Variants in CLVS1 observed in about 807,000 individuals in gnomAD.
CLVS1 encodes the protein clavesin 1, also known as clavesin-1.
CLVS1 carries 10 observed loss-of-function variants against 33.1 expected under a neutral mutation model. The ratio of observed to expected loss-of-function variants is 0.30; its 90% confidence interval spans 0.19 to 0.51. The LOEUF is 0.51. Ranked by LOEUF, CLVS1 falls within the 20% of genes least tolerant of loss-of-function variation. The pLI is 0.97. For synonymous variants in CLVS1, 163 were observed against 166.1 expected, an observed-to-expected ratio of 0.98 and a Z score of 0.14; for missense variants, 343 against 433.4, an observed-to-expected ratio of 0.79 and a Z score of 1.85.
intron 1 of CLVS1, among the ~76,000 whole-genome samples, chr8:61,059,471 C>CATATATATAT (rs1292747857): frequency 1.2e-3 from 27 of 22,972 alleles, no homozygotes; most frequent in South Asian, 3.7e-3. Context: ...TACATACATA[C>CATATATATAT]ATACATATAT....
intron 2 of CLVS1, among the ~76,000 whole-genome samples, chr8:61,186,865 A>G (rs1807353668): frequency 6.6e-6 from 1 of 152,192 alleles, no homozygotes; most frequent in African/African-American, 2.4e-5. Flanking sequence ...TTTGGACAGA[A>G]AGGGCAGTTG....
chr8:61,424,364 C>G (rs1247373585), intron 3 of CLVS1, among the ~76,000 whole-genome samples: 2 of 152,122 alleles, frequency 1.3e-5, no homozygotes, highest in Non-Finnish European at 2.9e-5. Flanking sequence ...AGACTAATTC[C>G]TAATTTGTTT....
chr8:60,995,820 T>A, the CLVS1 span, among the ~76,000 whole-genome samples: 1 of 152,210 alleles, frequency 6.6e-6, no homozygotes, highest in East Asian at 1.9e-4. Flanking sequence ...CACCATGGAA[T>A]ACTATGAAGC....
the CLVS1 span, among the ~76,000 whole-genome samples, chr8:61,045,667 C>T: frequency 1.3e-5 from 2 of 152,180 alleles, no homozygotes; most frequent in African/African-American, 4.8e-5. Context: ...GTAGAAGTGG[C>T]TTTGTTCATC....
intron 3 of CLVS1, among the ~76,000 whole-genome samples, chr8:61,407,467 A>G (rs1026739501): frequency 2.0e-5 from 3 of 152,254 alleles, no homozygotes; most frequent in African/African-American, 7.2e-5. Flanking sequence ...AATAAACTCT[A>G]GTTTATACAA....
intron 2 of CLVS1, among the ~76,000 whole-genome samples, chr8:61,371,431 A>G (rs1242519455): frequency 6.6e-6 from 1 of 152,130 alleles, no homozygotes; most frequent in East Asian, 1.9e-4. Context: ...ATTTTCTCCC[A>G]CTTTGTGGGT....
the CLVS1 span, among the ~76,000 whole-genome samples, chr8:61,032,563 C>A: frequency 3.3e-5 from 5 of 152,016 alleles, no homozygotes; most frequent in Admixed American, 1.3e-4. Context: ...ACCAGTTAGG[C>A]CTTGGGGGCT....
At chr8:61,004,086 A>AT in the CLVS1 span, among the ~76,000 whole-genome samples, 1 of 152,216 alleles carries the variant, frequency 6.6e-6, no homozygotes, top group African/African-American at 2.4e-5. Flanking sequence ...CAAACGCATA[A>AT]TAAGTTCTGT....
At chr8:60,973,532 G>A in the CLVS1 span, among the ~76,000 whole-genome samples, 5 of 152,176 alleles carry the variant, frequency 3.3e-5, no homozygotes, top group Non-Finnish European at 7.4e-5. Flanking sequence ...AGAAGAGACC[G>A]AAGCAAGTTT....
chr8:61,267,129 T>C (rs1215067814), intron 2 of CLVS1, among the ~76,000 whole-genome samples: 2 of 152,224 alleles, frequency 1.3e-5, no homozygotes, highest in African/African-American at 2.4e-5. Flanking sequence ...AAGAAATGCA[T>C]GTTCTGATCA....
chr8:61,484,728 A>G (rs529792974), intron 5 of CLVS1, among the ~76,000 whole-genome samples: 4 of 152,268 alleles, frequency 2.6e-5, no homozygotes, highest in Admixed American at 6.5e-5. Context: ...ACAGCATGGT[A>G]CTGGTACCAA....
At chr8:61,292,524 A>T in intron 1 of CLVS1, 1 of 372,270 alleles carries the variant, frequency 2.7e-6, no homozygotes, top group Non-Finnish European at 5.4e-6. Context: ...TTAGAGAAAT[A>T]CTCTTTCCCT....
intron 3 of CLVS1, among the ~76,000 whole-genome samples, chr8:61,411,991 C>T (rs1815246517): frequency 6.6e-6 from 1 of 152,110 alleles, no homozygotes; most frequent in South Asian, 2.1e-4. Context: ...GGAAAAAGGC[C>T]CAAGGGGCAG....
intron 1 of CLVS1, among the ~76,000 whole-genome samples, chr8:61,088,787 T>TTTTTC (rs1163255884): frequency 1.3e-5 from 2 of 151,828 alleles, no homozygotes; most frequent in Non-Finnish European, 2.9e-5. Context: ...CAAGCTTTTT[T>TTTTTC]TTTTCTTTTC....
At chr8:61,090,296 C>T (rs1301371977) in intron 1 of CLVS1, among the ~76,000 whole-genome samples, 1 of 152,148 alleles carries the variant, frequency 6.6e-6, no homozygotes, top group Non-Finnish European at 1.5e-5. Flanking sequence ...TCAAGTCCAT[C>T]CTTCAGAAGT....
chr8:61,480,683 G>C (rs965326710), intron 5 of CLVS1, among the ~76,000 whole-genome samples: 2 of 152,120 alleles, frequency 1.3e-5, no homozygotes, highest in African/African-American at 4.8e-5. Context: ...CTTCTGCTGG[G>C]AGCTGTAGAC....
Position 61,376,749 on chromosome 8 carries a change from A to C in CLVS1, c.600A>C (p.Ser200=), listed in dbSNP as rs566697452. 6 of 1,614,144 alleles carry C rather than the reference A, an allele frequency of 3.7e-6. No homozygotes were observed. Among genetic ancestry groups the C allele is most frequent in the South Asian group, 3.3e-5 (3 of 91,084 alleles). ...AACAAGCCTCCAAACTGACACCTTC[A>C]ATCCTTAAACTGGCCATTGAAGGGT... is the stretch of plus-strand genomic sequence containing the variant. ...SFKQASKLTP[S]ILKLAIEGLQ... The change falls in exon 3 of 6, where the codon TCA becomes TCC. Residue 200 remains serine, a synonymous_variant. Coordinates refer to ENST00000325897, the MANE Select transcript of CLVS1 (RefSeq NM_173519.3).
intron 5 of CLVS1, among the ~76,000 whole-genome samples, chr8:61,490,967 A>G (rs1190948281): frequency 6.6e-6 from 1 of 151,796 alleles, no homozygotes; most frequent in Non-Finnish European, 1.5e-5. Flanking sequence ...TCTCCAAAAA[A>G]AAAAAGAAAA....
chr8:61,449,293 A>G (rs1816870922), intron 3 of CLVS1, among the ~76,000 whole-genome samples: 1 of 152,146 alleles, frequency 6.6e-6, no homozygotes. Flanking sequence ...TTCCAACACC[A>G]TCAGTGGAGA....
Sources: allele counts gnomAD v4.1 joint callset (sites outside exome capture counted in the v4.1 genomes callset), GRCh38; gene constraint gnomAD v4.1.1; transcripts MANE v1.5; gene names NCBI Gene and HGNC (gene_info 2026-07-23, HGNC 2026-07-21).